Variants in CENPK observed in about 807,000 individuals in gnomAD.
CENPK encodes SoxLZ/Sox6-binding protein Solt.
In CENPK, 46 loss-of-function variants were observed where a neutral mutation model predicts 40.9. The observed-to-expected ratio is 1.13, with a 90% CI of 0.89 to 1.44. The LOEUF is 1.44. CENPK is among the 40% of genes most tolerant of loss of function. CENPK has a pLI of 0.00. For missense variants in CENPK, 288 were observed against 303.5 expected, an observed-to-expected ratio of 0.95 and a Z score of 0.38; for synonymous variants, 107 against 104.4, an observed-to-expected ratio of 1.02 and a Z score of -0.15.
intron 6 of CENPK, among the ~76,000 whole-genome samples, chr5:65,535,574 G>C (rs917144385): frequency 6.6e-6 from 1 of 152,116 alleles, no homozygotes; most frequent in African/African-American, 2.4e-5. Flanking sequence ...CCTAAACAAG[G>C]CTCAAGTGAG....
At chr5:65,510,133 GA>G in the CENPK span, among the ~76,000 whole-genome samples, 4 of 152,182 alleles carry the variant, frequency 2.6e-5, no homozygotes, top group South Asian at 8.3e-4. Context: ...ATCAACAGCT[GA>G]AAAAGAATTA....
chr5:65,514,241 TTTTTTTTTTTTTTTTTTTTTAG>T (rs1458078761), downstream of CENPK, among the ~76,000 whole-genome samples: 38 of 11,800 alleles, frequency 3.2e-3, no homozygotes, highest in African/African-American at 7.4e-3. Flanking sequence ...TTTTTTTTTT[TTTTTTTTTTTTTTTTTTTTTAG>T]TTTTTTTTAG....
In CENPK at chr5:65,528,574, A is replaced by C; in HGVS notation, c.475T>G (p.Phe159Val). ...KVETFSESRIFNELKTKMLNI... is the reference protein window; with the variant it reads ...KVETFSESRIVNELKTKMLNI... ...AGCATTTTAGTTTTCAGTTCATTAA[A>C]GATTCTAATAGATTAAAAAAATTAA... The change falls in exon 9 of 11, where the codon TTT (phenylalanine) becomes GTT (valine). Residue 159 changes from phenylalanine (F) to valine (V), a missense_variant. Phe to Val is a conservative substitution (Grantham distance 50). Transcript: ENST00000396679. 5 of 1,522,488 alleles carry C rather than the reference A, an allele frequency of 3.3e-6. No homozygotes were observed. The highest frequency in any genetic ancestry group is 4.4e-6 in the Non-Finnish European group (5 of 1,139,830). 94.3% of individuals were successfully genotyped at this position (1,522,488 alleles called of 1,614,324 possible).
chr5:65,510,752 GACA>G, the CENPK span, among the ~76,000 whole-genome samples: 1 of 145,564 alleles, frequency 6.9e-6, no homozygotes, highest in African/African-American at 2.6e-5. Context: ...CTCCAGCTTG[GACA>G]ACAAGAGCGA....
chr5:65,501,136 T>A, the CENPK span, among the ~76,000 whole-genome samples: 1 of 151,962 alleles, frequency 6.6e-6, no homozygotes, highest in East Asian at 1.9e-4. Context: ...GACTTTCTAT[T>A]TTCATTTGTT....
At chr5:65,532,910 CAAAAAAAA>C (rs60713724) in intron 6 of CENPK, among the ~76,000 whole-genome samples, 1,261 of 37,020 alleles carry the variant, frequency 0.034, 21 homozygotes, top group South Asian at 0.14. Flanking sequence ...ACTCCATCTC[CAAAAAAAA>C]AAAAAAAAAA....
intron 6 of CENPK, among the ~76,000 whole-genome samples, chr5:65,536,565 T>C (rs1649546947): frequency 6.6e-6 from 1 of 151,946 alleles, no homozygotes; most frequent in Non-Finnish European, 1.5e-5. Flanking sequence ...CAGTTTGAGA[T>C]GAGACAGCTA....
Position 65,521,483 on chromosome 5 carries a change from T to G in CENPK, c.643A>C (p.Met215Leu). 6.2e-7 allele frequency: 1 copy of G among 1,609,646 alleles called. No homozygotes were observed. Among genetic ancestry groups the G allele is most frequent in the Non-Finnish European group, 8.5e-7 (1 of 1,177,098 alleles). Residue 215 changes from methionine (M) to leucine (L), a missense_variant, in exon 10 of 11, where the codon ATG becomes CTG. Physicochemically the swap from Met to Leu is conservative, Grantham distance 15. Coordinates refer to ENST00000396679, the MANE Select transcript of CENPK (RefSeq NM_022145.5). ...SSVNLITLHEMLEILINRLFD... is the reference protein window; with the variant it reads ...SSVNLITLHELLEILINRLFD... ...CTACACAAAACACTTACCTCTAACA[T>G]TTCATGCAGTGTTATCAGGTTTACA...
intron 6 of CENPK, among the ~76,000 whole-genome samples, chr5:65,538,862 T>C (rs1034916768): frequency 6.6e-6 from 1 of 152,186 alleles, no homozygotes; most frequent in Non-Finnish European, 1.5e-5. Flanking sequence ...CTAAGAAGAT[T>C]TAACCATCTA....
intron 9 of CENPK, among the ~76,000 whole-genome samples, chr5:65,526,719 G>A (rs971591304): frequency 6.6e-6 from 1 of 152,196 alleles, no homozygotes; most frequent in African/African-American, 2.4e-5. Context: ...CAGCTGTGTG[G>A]AGGCTGAGGC....
At chr5:65,530,902 C>A (rs756168373) in intron 6 of CENPK, among the ~76,000 whole-genome samples, 2 of 151,970 alleles carry the variant, frequency 1.3e-5, no homozygotes, top group Non-Finnish European at 2.9e-5. Context: ...AAGGCAAGAC[C>A]CTGCCTCAAC....
downstream of CENPK, among the ~76,000 whole-genome samples, chr5:65,517,536 T>A (rs1742963330): frequency 6.6e-6 from 1 of 152,146 alleles, no homozygotes; most frequent in Non-Finnish European, 1.5e-5. Context: ...TTTGTTTACT[T>A]TAGAAAATAT....
intron 5 of CENPK, among the ~76,000 whole-genome samples, chr5:65,543,700 T>C (rs1267234009): frequency 2.0e-5 from 3 of 152,228 alleles, no homozygotes; most frequent in Non-Finnish European, 2.9e-5. Context: ...GTCTAGTTTC[T>C]AGTCATAACA....
At chr5:65,518,786 A>C (rs1428425898) in intron 10 of CENPK, among the ~76,000 whole-genome samples, 153 bp from the exon 11 acceptor site, 1 of 152,134 alleles carries the variant, frequency 6.6e-6, no homozygotes, top group Non-Finnish European at 1.5e-5. Context: ...TTTTGAAAGG[A>C]CTATGGGTAT....
chr5:65,543,955 T>C lies in CENPK; in HGVS notation c.242-1107A>G, dbSNP rs529674747. 3.3e-5 allele frequency among the ~76,000 whole-genome samples: 5 copies of C among 152,356 alleles called. No individual in the cohort carries two copies. The East Asian group carries it at 9.6e-4, about 29-fold the overall frequency. On this transcript the variant is annotated intron_variant, in intron 5 of 10. Transcript: ENST00000396679. ...GAGTAGAAACAAATGTGTAATTTTGTATAGCAAATTTTAATGCGTTCAATC... is the reference window on the plus strand; with the variant it reads ...GAGTAGAAACAAATGTGTAATTTTGCATAGCAAATTTTAATGCGTTCAATC...
intron 6 of CENPK, chr5:65,541,555 C>T: frequency 2.4e-6 from 1 of 419,794 alleles, no homozygotes; most frequent in Non-Finnish European, 4.9e-6. Flanking sequence ...CCTCTCTATC[C>T]TTAGACACAT....
At chr5:65,522,460 A>T (rs1465736651) in intron 9 of CENPK, among the ~76,000 whole-genome samples, 1 of 151,840 alleles carries the variant, frequency 6.6e-6, no homozygotes, top group Non-Finnish European at 1.5e-5. Context: ...ACAGGGTCTC[A>T]CTCTGTCACC....
At chr5:65,503,931 CAGGCGT>C in the CENPK span, among the ~76,000 whole-genome samples, 1 of 151,538 alleles carries the variant, frequency 6.6e-6, no homozygotes, top group Non-Finnish European at 1.5e-5. Flanking sequence ...GCTGGGATTA[CAGGCGT>C]GAGTCACCGT....
chr5:65,538,156 G>C lies in CENPK; in HGVS notation c.288+4646C>G, dbSNP rs372671288. On this transcript the variant is annotated intron_variant, in intron 6 of 10. Coordinates refer to ENST00000396679, the MANE Select transcript of CENPK (RefSeq NM_022145.5). Reference sequence around the variant, plus strand: ...AAAAAATGGCATTGTTATTTTGTGGGATCAAAATTTTTTCTTATCCTGTGG... The same window carrying C: ...AAAAAATGGCATTGTTATTTTGTGGCATCAAAATTTTTTCTTATCCTGTGG... Among the ~76,000 whole-genome samples the C allele has an allele frequency of 8.9e-4, 136 of 152,042 alleles. 3 individuals are homozygous for C. The South Asian group carries it at 0.027, about 31-fold the overall frequency.
Sources: gnomAD v4.1 joint callset for allele counts (sites outside exome capture counted in the v4.1 genomes callset) on GRCh38, gnomAD v4.1.1 for gene constraint, MANE v1.5 for transcripts, NCBI Gene and HGNC (gene_info 2026-07-23, HGNC 2026-07-21) for gene names.